Variants in SLC44A3 observed in about 807,000 individuals in gnomAD.
The protein encoded by SLC44A3 is choline transporter-like protein 3.
In SLC44A3, 74 loss-of-function variants were observed where a neutral mutation model predicts 75.4. The observed-to-expected ratio is 0.98, with a 90% CI of 0.81 to 1.19. SLC44A3 has a LOEUF of 1.19. Among genes scored for constraint, SLC44A3 ranks in the 50% most tolerant of loss-of-function variants. The pLI is 0.00. For missense variants in SLC44A3, 700 were observed against 778.6 expected, an observed-to-expected ratio of 0.90 and a Z score of 1.20; for synonymous variants, 310 against 296.9, an observed-to-expected ratio of 1.04 and a Z score of -0.45.
At chr1:94,836,359 G>A (rs1039698938) in intron 5 of SLC44A3, among the ~76,000 whole-genome samples, 7 of 152,148 alleles carry the variant, frequency 4.6e-5, no homozygotes. Context: ...CTAAAAAAAG[G>A]TCAACTTTCT....
chr1:94,857,273 T>C (rs893540357), intron 9 of SLC44A3, 62 bp from the exon 10 acceptor site: 5 of 1,451,298 alleles, frequency 3.4e-6, no homozygotes, highest in Non-Finnish European at 4.6e-6. Flanking sequence ...CATGGCTTGT[T>C]GAACCATGGT....
intron 12 of SLC44A3, among the ~76,000 whole-genome samples, chr1:94,874,244 A>G (rs1299880516): frequency 2.0e-5 from 3 of 152,172 alleles, no homozygotes; most frequent in East Asian, 3.9e-4. Context: ...CTGAATCCTC[A>G]TGTTTCCTGG....
At chr1:94,820,675 C>G (rs1660434810) in intron 1 of SLC44A3, 197 bp downstream of exon 1, 1 of 1,378,732 alleles carries the variant, frequency 7.3e-7, no homozygotes, top group Non-Finnish European at 9.3e-7. Context: ...GCGGGGGAGA[C>G]GCGGGCCGCG....
At chr1:94,837,657 T>C (rs1662998607) in intron 5 of SLC44A3, 54 bp from the exon 6 acceptor site, 1 of 1,501,002 alleles carries the variant, frequency 6.7e-7, no homozygotes, top group Non-Finnish European at 8.9e-7. Context: ...TAAACATCTT[T>C]TAAAGATAAA....
At chr1:94,834,798 T>C (rs1178162214) in intron 5 of SLC44A3, among the ~76,000 whole-genome samples, 1 of 152,206 alleles carries the variant, frequency 6.6e-6, no homozygotes, top group African/African-American at 2.4e-5. Context: ...GGGATAAATC[T>C]TTACTTCTTC....
intron 9 of SLC44A3, among the ~76,000 whole-genome samples, chr1:94,850,194 G>A (rs1665024782): frequency 6.6e-6 from 1 of 151,922 alleles, no homozygotes; most frequent in Non-Finnish European, 1.5e-5. Context: ...ACTTGTTTGG[G>A]GATTTTTTTT....
Position 94,845,475 on chromosome 1 carries a change from G to A in SLC44A3, c.1072+11G>A. The A allele has an allele frequency of 6.2e-7, 1 of 1,600,686 alleles. No homozygotes were observed. Among genetic ancestry groups the A allele is most frequent in the Non-Finnish European group, 8.5e-7 (1 of 1,177,036 alleles). The stretch of plus-strand genomic sequence containing the variant: ...GCCTGGGAACTGCAGGTAAGGGACA[G>A]TGGGTGTGGGTTCCATCACCTTGGA... On this transcript the variant is annotated intron_variant, in intron 9 of 14. Coordinates refer to ENST00000271227, the MANE Select transcript of SLC44A3 (RefSeq NM_001114106.3).
chr1:94,851,751 G>T (rs886904184), intron 9 of SLC44A3, among the ~76,000 whole-genome samples: 7 of 152,250 alleles, frequency 4.6e-5, no homozygotes, highest in Non-Finnish European at 1.5e-5. Context: ...ATGAATGTCA[G>T]CAGGCTGGGG....
intron 5 of SLC44A3, among the ~76,000 whole-genome samples, chr1:94,834,547 C>T (rs11165255): frequency 0.033 from 4,943 of 152,038 alleles, 263 homozygotes; most frequent in African/African-American, 0.11. Context: ...TGTAGTGGCA[C>T]GATCTCAGCT....
intron 5 of SLC44A3, among the ~76,000 whole-genome samples, chr1:94,829,294 A>G (rs201960832): frequency 3.3e-5 from 5 of 151,234 alleles, no homozygotes; most frequent in African/African-American, 1.2e-4. Context: ...AAAAAAAAAG[A>G]AAATCGTTTA....
At chr1:94,839,191 A>C (rs1663225201) in intron 6 of SLC44A3, 1 of 152,210 alleles carries the variant, frequency 6.6e-6, no homozygotes, top group Non-Finnish European at 1.5e-5. Flanking sequence ...TAGGATCTTA[A>C]ATTCTTCATT....
At chr1:94,830,549 G>A (rs1369958281) in intron 5 of SLC44A3, among the ~76,000 whole-genome samples, 1 of 152,060 alleles carries the variant, frequency 6.6e-6, no homozygotes, top group Admixed American at 6.6e-5. Flanking sequence ...AATTGTAAAT[G>A]TGTTTATGAT....
At chr1:94,889,628 A>G (rs1237379648) in intron 12 of SLC44A3, among the ~76,000 whole-genome samples, 1 of 152,174 alleles carries the variant, frequency 6.6e-6, no homozygotes, top group African/African-American at 2.4e-5. Flanking sequence ...CAGGAAATCA[A>G]GAGTTCATTG....
At chr1:94,867,468 G>A (rs1283329985) in intron 12 of SLC44A3, 51 bp downstream of exon 12, 13 of 1,466,892 alleles carry the variant, frequency 8.9e-6, no homozygotes, top group Non-Finnish European at 1.2e-5. Flanking sequence ...CCAAAGGTGG[G>A]CTTCATCTCT....
chr1:94,827,927 T>A (rs2100946844), intron 4 of SLC44A3, among the ~76,000 whole-genome samples: 1 of 152,242 alleles, frequency 6.6e-6, no homozygotes, highest in East Asian at 1.9e-4. Flanking sequence ...ACAGCCCACA[T>A]TTAAGACCCA....
At chr1:94,862,758 G>A (rs894901070) in intron 10 of SLC44A3, among the ~76,000 whole-genome samples, 1 of 152,186 alleles carries the variant, frequency 6.6e-6, no homozygotes, top group African/African-American at 2.4e-5. Flanking sequence ...AAGGCTGACT[G>A]GGGGCCCAGT....
intron 12 of SLC44A3, among the ~76,000 whole-genome samples, chr1:94,873,441 A>C (rs1667970034): frequency 6.6e-6 from 1 of 152,188 alleles, no homozygotes; most frequent in Admixed American, 6.5e-5. Flanking sequence ...AATCTTGTGA[A>C]GGTCAAGGCA....
chr1:94,853,497 G>A (rs6659050), intron 9 of SLC44A3, among the ~76,000 whole-genome samples: 2,621 of 152,276 alleles, frequency 0.017, 95 homozygotes, highest in African/African-American at 0.06. Flanking sequence ...TTTTGATGAA[G>A]AGGGTGAAAA....
chr1:94,840,184 C>A, intron 7 of SLC44A3, 147 bp downstream of exon 7: 2 of 669,338 alleles, frequency 3.0e-6, no homozygotes, highest in Non-Finnish European at 5.2e-6. Flanking sequence ...GAAAACTTGG[C>A]CTCAGGGAGG....
Sources: gnomAD v4.1 joint callset for allele counts (sites outside exome capture counted in the v4.1 genomes callset) on GRCh38, gnomAD v4.1.1 for gene constraint, MANE v1.5 for transcripts, NCBI Gene and HGNC (gene_info 2026-07-23, HGNC 2026-07-21) for gene names.